GPC5: variants seen among roughly 807,000 people sequenced by gnomAD.
The protein encoded by GPC5 is glypican-5.
A neutral mutation model predicts 53.9 loss-of-function variants in GPC5; 47 were observed. The ratio of observed to expected loss-of-function variants is 0.87; its 90% CI spans 0.69 to 1.11. The LOEUF is 1.11. GPC5 is among the 50% of genes most tolerant of loss of function. The pLI is 0.00. For missense variants in GPC5, 748 were observed against 713.1 expected (o/e 1.05, Z -0.56); for synonymous variants, 286 against 263.3 (o/e 1.09, Z -0.84).
chr13:91,599,087 A>G (rs984874544), intron 2 of GPC5, among the ~76,000 whole-genome samples: 1 of 152,060 alleles, frequency 6.6e-6, no homozygotes, highest in African/African-American at 2.4e-5. Context: ...TTTTGATGAC[A>G]TGGATGAATT....
intron 7 of GPC5, among the ~76,000 whole-genome samples, chr13:92,685,547 T>TTTTTTTTTTTTTAA (rs1555302911): frequency 2.3e-3 from 223 of 97,706 alleles, no homozygotes; most frequent in Middle Eastern, 9.9e-3. Flanking sequence ...TATGCTCATT[T>TTTTTTTTTTTTTAA]TTTTTTTTTT....
intron 6 of GPC5, among the ~76,000 whole-genome samples, chr13:91,934,259 A>G (rs1205447853): frequency 1.3e-5 from 2 of 151,966 alleles, no homozygotes; most frequent in Non-Finnish European, 2.9e-5. Flanking sequence ...TTTAAAAATA[A>G]TTAATTGAAA....
At chr13:92,023,272 G>C (rs1036365064) in intron 6 of GPC5, among the ~76,000 whole-genome samples, 1 of 151,884 alleles carries the variant, frequency 6.6e-6, no homozygotes, top group Non-Finnish European at 1.5e-5. Flanking sequence ...TGAACAATTG[G>C]AAGACGTCAT....
chr13:92,837,816 G>A (rs770651601), intron 7 of GPC5, among the ~76,000 whole-genome samples: 124 of 152,270 alleles, frequency 8.1e-4, no homozygotes, highest in Admixed American at 3.3e-3. Flanking sequence ...CCTTAGGTCG[G>A]GCACAGTGGC....
intron 7 of GPC5, among the ~76,000 whole-genome samples, chr13:92,516,609 T>C (rs1431241607): frequency 6.6e-6 from 1 of 152,226 alleles, no homozygotes; most frequent in Non-Finnish European, 1.5e-5. Context: ...TGAGTGCCCT[T>C]TTTCAGTTGC....
intron 5 of GPC5, among the ~76,000 whole-genome samples, chr13:91,843,779 G>T (rs2038817300): frequency 6.6e-6 from 1 of 151,550 alleles, no homozygotes; most frequent in South Asian, 2.1e-4. Context: ...AAGCTTTCCA[G>T]ATGCAATGTT....
chr13:92,829,368 A>G (rs540078001), intron 7 of GPC5, among the ~76,000 whole-genome samples: 1 of 152,338 alleles, frequency 6.6e-6, no homozygotes, highest in South Asian at 2.1e-4. Context: ...TCCAATTAAG[A>G]CATGTTTAAG....
At chr13:92,030,520 C>T (rs1367508017) in intron 6 of GPC5, among the ~76,000 whole-genome samples, 3 of 152,116 alleles carry the variant, frequency 2.0e-5, no homozygotes, top group African/African-American at 4.8e-5. Flanking sequence ...CCCCAAAGTT[C>T]CTTAAAGTGT....
intron 7 of GPC5, among the ~76,000 whole-genome samples, chr13:92,208,815 C>G (rs373213064): frequency 6.6e-6 from 1 of 152,100 alleles, no homozygotes. Flanking sequence ...ATATATAAGA[C>G]TAAAAACATA....
chr13:92,838,484 C>CT (rs986572631), intron 7 of GPC5, among the ~76,000 whole-genome samples: 3 of 145,316 alleles, frequency 2.1e-5, no homozygotes, highest in African/African-American at 8.0e-5. Flanking sequence ...CTCCGCGCCC[C>CT]CCCCAAAAAA....
At chr13:92,284,121 AT>A (rs1417184831) in intron 7 of GPC5, among the ~76,000 whole-genome samples, 1 of 152,246 alleles carries the variant, frequency 6.6e-6, no homozygotes. Context: ...CTCTATGCAA[AT>A]AAACTAGAAA....
chr13:91,885,211 C>A (rs995686152), intron 5 of GPC5, among the ~76,000 whole-genome samples: 1 of 151,920 alleles, frequency 6.6e-6, no homozygotes, highest in Admixed American at 6.6e-5. Flanking sequence ...ATGGATATAC[C>A]GTCTCTTTGT....
chr13:92,128,652 C>A (rs1361186925), intron 6 of GPC5, among the ~76,000 whole-genome samples: 1 of 152,152 alleles, frequency 6.6e-6, no homozygotes, highest in Non-Finnish European at 1.5e-5. Context: ...GGACCAATTG[C>A]AGGCATGCTT....
chr13:91,965,854 C>G (rs891507003), intron 6 of GPC5, among the ~76,000 whole-genome samples: 7 of 152,168 alleles, frequency 4.6e-5, no homozygotes, highest in Non-Finnish European at 8.8e-5. Flanking sequence ...ATGAAGTTTT[C>G]TCAGGAATGC....
chr13:92,126,978 T>G (rs1392186634), intron 6 of GPC5, among the ~76,000 whole-genome samples: 1 of 152,210 alleles, frequency 6.6e-6, no homozygotes, highest in East Asian at 1.9e-4. Context: ...TGGAGGAATA[T>G]GCTTTTCCAC....
chr13:92,765,602 G>A (rs1875373115), intron 7 of GPC5, among the ~76,000 whole-genome samples: 1 of 152,158 alleles, frequency 6.6e-6, no homozygotes, highest in African/African-American at 2.4e-5. Flanking sequence ...CTCAGCATGT[G>A]CTGCCAGGAC....
At chr13:92,178,927 C>A (rs1397717612) in intron 7 of GPC5, among the ~76,000 whole-genome samples, 5 of 152,134 alleles carry the variant, frequency 3.3e-5, no homozygotes, top group Admixed American at 1.3e-4. Context: ...GCCAAGATTG[C>A]ACCTCTGTAC....
Position 91,398,734 on chromosome 13 carries a change from G to T in GPC5, c.-313G>T. 1 of 328,642 alleles carries T rather than the reference G, an allele frequency of 3.0e-6. No individual in the cohort carries two copies. The highest frequency in any genetic ancestry group is 5.5e-6 in the Non-Finnish European group (1 of 180,660). 20.4% of individuals were successfully genotyped at this position (328,642 alleles called of 1,614,324 possible). On this transcript the variant is annotated 5_prime_UTR_variant, in exon 1 of 8. Transcript: ENST00000377067. ...GCAGCAGTTGCAGCAGTGGTGGCCA[G>T]AGCGGATGCTTGCGGGCTCCCTGCG... is the stretch of plus-strand genomic sequence containing the variant.
intron 7 of GPC5, among the ~76,000 whole-genome samples, chr13:92,454,867 T>C (rs1878199541): frequency 6.6e-6 from 1 of 152,114 alleles, no homozygotes; most frequent in African/African-American, 2.4e-5. Context: ...CCATTCTGCT[T>C]AAAAAAATGC....
Sources: allele counts gnomAD v4.1 joint callset (sites outside exome capture counted in the v4.1 genomes callset), GRCh38; gene constraint gnomAD v4.1.1; transcripts MANE v1.5; gene names NCBI Gene and HGNC (gene_info 2026-07-23, HGNC 2026-07-21).